The following PLCD4 variants were observed in gnomAD, a reference collection of about 807,000 sequenced individuals.
The protein encoded by PLCD4 is phospholipase C delta 4.
A neutral mutation model predicts 90.2 loss-of-function variants in PLCD4; 63 were observed. The observed-to-expected ratio is 0.70, with a 90% CI of 0.57 to 0.86. The LOEUF (loss-of-function observed/expected upper bound fraction) is 0.86, where lower values mean the gene tolerates loss of function less well. Among genes scored for constraint, PLCD4 ranks in the 40% least tolerant of loss-of-function variants. The probability of loss-of-function intolerance (pLI) is 0.00; values close to 1 mark genes in which losing one functional copy is unlikely to be tolerated. For synonymous variants in PLCD4, 294 were observed against 356.5 expected (o/e 0.82, Z 1.97); for missense variants, 830 against 956.3 (o/e 0.87, Z 1.74).
chr2:218,626,889 C>T (rs1470478286), intron 6 of PLCD4, among the ~76,000 whole-genome samples: 1 of 152,162 alleles, frequency 6.6e-6, no homozygotes, highest in Non-Finnish European at 1.5e-5. Flanking sequence ...CCTCAGTTTC[C>T]TCATCTATAA....
At chr2:218,630,864 T>C in intron 9 of PLCD4, 62 bp downstream of exon 9, 1 of 1,504,176 alleles carries the variant, frequency 6.6e-7, no homozygotes, top group Non-Finnish European at 8.9e-7. Context: ...CCACCTGGGC[T>C]CCTTCCTCTA....
At position 218,636,334 on chromosome 2, in the gene PLCD4, G is replaced by A. The variant is rs1559279906; in HGVS notation, c.2124G>A (p.Trp708Ter). The change falls in exon 15 of 16, where the codon TGG (tryptophan) becomes TGA (stop). Residue 708 changes from tryptophan (W) to a stop codon, truncating the protein, a stop_gained. Transcript: ENST00000450993. LOFTEE classifies it high-confidence loss of function. ...GTTTTGTGGTAATGGATTATGACTG[G>A]AAATCCCGAAATGACTTTATTGGTC... ...MLRFVVMDYD[W>*]KSRNDFIGQY... 1 of 1,614,012 alleles carries A rather than the reference G, an allele frequency of 6.2e-7. No individual in the cohort carries two copies. The highest frequency in any genetic ancestry group is 1.1e-5 in the South Asian group (1 of 91,086).
intron 4 of PLCD4, among the ~76,000 whole-genome samples, chr2:218,620,760 G>A (rs73077174): frequency 4.0e-5 from 6 of 151,514 alleles, no homozygotes; most frequent in African/African-American, 1.5e-4. Flanking sequence ...CAGGTGTGGT[G>A]GTGGGCGCCT....
At position 218,616,927 on chromosome 2, in the gene PLCD4, T is replaced by TAG. The variant is rs71266346; in HGVS notation, c.181+923_181+924dup. 4.4e-3 allele frequency among the ~76,000 whole-genome samples: 61 copies of TAG among 13,760 alleles called. 1 individual carries two copies. Among genetic ancestry groups the TAG allele is most frequent in the East Asian group, 6.6e-3 (2 of 304 alleles). 9.0% of individuals were successfully genotyped at this position (13,760 alleles called of 152,430 possible). Reference sequence around the variant, plus strand: ...ATATATATATATATATATATATATATAGAGAGAGAGAGAGAGAGAGAGAGA... The same window carrying TAG: ...ATATATATATATATATATATATATATAGAGAGAGAGAGAGAGAGAGAGAGAGA... On this transcript the variant is annotated intron_variant, in intron 3 of 15. Transcript: ENST00000450993.
At chr2:218,627,733 C>A (rs370108194) in intron 6 of PLCD4, among the ~76,000 whole-genome samples, 1 of 151,908 alleles carries the variant, frequency 6.6e-6, no homozygotes, top group Non-Finnish European at 1.5e-5. Context: ...AGGGTGGTCT[C>A]GATCTCCTGA....
intron 3 of PLCD4, 75 bp from the exon 4 acceptor site, chr2:218,618,504 T>C: frequency 7.7e-7 from 1 of 1,299,676 alleles, no homozygotes; most frequent in Admixed American, 1.9e-5. Flanking sequence ...AAGGGGGTGC[T>C]GGTCCTTCAC....
chr2:218,629,309 G>C (rs1575032756), intron 7 of PLCD4: 1 of 531,740 alleles, frequency 1.9e-6, no homozygotes, highest in East Asian at 2.8e-5. Context: ...GAAGGACTGT[G>C]AGTCGGGTGG....
intron 13 of PLCD4, 53 bp from the exon 14 acceptor site, chr2:218,635,743 G>T (rs963704058): frequency 7.0e-6 from 11 of 1,578,036 alleles, no homozygotes; most frequent in South Asian, 1.2e-5. Flanking sequence ...GAGTAGGGTC[G>T]GGTGGGGCTG....
chr2:218,623,092 C>T (rs1695956217), intron 6 of PLCD4, among the ~76,000 whole-genome samples: 1 of 152,196 alleles, frequency 6.6e-6, no homozygotes, highest in South Asian at 2.1e-4. Context: ...GGTGCTAGAC[C>T]TCTCAGGAGG....
At chr2:218,617,715 ACC>A (rs1695682094) in intron 3 of PLCD4, among the ~76,000 whole-genome samples, 1 of 152,148 alleles carries the variant, frequency 6.6e-6, no homozygotes, top group African/African-American at 2.4e-5. Flanking sequence ...CACAATCCAT[ACC>A]GCCCCCAGCT....
At chr2:218,622,609 A>T (rs767693655) in intron 5 of PLCD4, 38 bp from the exon 6 acceptor site, 1 of 1,446,926 alleles carries the variant, frequency 6.9e-7, no homozygotes, top group East Asian at 2.4e-5. Flanking sequence ...ATTTCCCATT[A>T]AAAGTTTCAT....
rs1054059652 is a variant in PLCD4, at chr2:218,612,546, C to T, written c.-33-3161C>T. On this transcript the variant is annotated intron_variant, in intron 1 of 15. Transcript: ENST00000450993. ...CAGCACTTGGAGAGGCCAAGGTGGG[C>T]GGATCACCTGAGATCAGGAGTTGGA... Among the ~76,000 whole-genome samples the T allele has an allele frequency of 3.9e-5, 6 of 152,120 alleles. No individual in the cohort carries two copies. In the East Asian group the frequency reaches 9.6e-4, roughly 24 times the overall value.
rs778042236 is a variant in PLCD4, at chr2:218,628,192, C to G, written c.936C>G (p.Asp312Glu). 1.9e-6 allele frequency: 3 copies of G among 1,614,026 alleles called. No homozygotes were observed. Among genetic ancestry groups the G allele is most frequent in the South Asian group, 1.1e-5 (1 of 91,080 alleles). ...CTCATAACACCTACCTAGTGGGGGA[C>G]CAGCTTTGTGGCCAGAGCAGCGTCG... is the stretch of plus-strand genomic sequence containing the variant. ...CSSHNTYLVG[D>E]QLCGQSSVEG... Residue 312 changes from aspartate to glutamate, a missense_variant, in exon 7 of 16, where the codon GAC becomes GAG. Physicochemically the swap from Asp to Glu is conservative, Grantham distance 45. Coordinates refer to ENST00000450993, the MANE Select transcript of PLCD4 (RefSeq NM_032726.4).
chr2:218,633,952 G>C, intron 11 of PLCD4, 153 bp from the exon 12 acceptor site: 1 of 1,229,712 alleles, frequency 8.1e-7, no homozygotes, highest in South Asian at 1.5e-5. Context: ...CAGGAAAGCT[G>C]GTCTGGATGG....
Position 218,634,077 on chromosome 2 carries a change from C to T in PLCD4, c.1607-28C>T. 1 of 1,581,358 alleles carries T rather than the reference C, an allele frequency of 6.3e-7. No individual in the cohort carries two copies. The stretch of plus-strand genomic sequence containing the variant: ...GGAAGTGGGAGATTCCACCCCACTT[C>T]CATCTCCCTCTCTATACCCTTTTAC... On this transcript the variant is annotated intron_variant, in intron 11 of 15. Transcript: ENST00000450993. This position sits in a 1 kb window ranked among gnomAD's most constrained non-coding sequence, Gnocchi z 4.0.
chr2:218,621,396 C>T, intron 4 of PLCD4, 74 bp from the exon 5 acceptor site: 3 of 1,544,880 alleles, frequency 1.9e-6, no homozygotes, highest in Non-Finnish European at 2.7e-6. Flanking sequence ...GGAGAGATGT[C>T]AGTGGACGAA....
rs983493144 is a variant in PLCD4, at chr2:218,636,072, T to A, written c.2032+141T>A. Reference sequence around the variant, plus strand: ...GTGGAACAGTACAAAGAATCCTGGCTCTTCACTTAAAAGCTCCAGTGACCT... The same window carrying A: ...GTGGAACAGTACAAAGAATCCTGGCACTTCACTTAAAAGCTCCAGTGACCT... On this transcript the variant is annotated intron_variant, in intron 14 of 15. Coordinates refer to ENST00000450993, the MANE Select transcript of PLCD4 (RefSeq NM_032726.4). The A allele has an allele frequency of 2.1e-6, 3 of 1,446,122 alleles. No homozygotes were observed. The African/African-American group carries it at 4.2e-5, about 20-fold the overall frequency. The allele number at this position is 1,446,122 out of a possible 1,614,324, so 89.6% of individuals were successfully genotyped here.
In PLCD4 at chr2:218,634,722, C is replaced by T. The variant is rs541718426; in HGVS notation, c.1896+92C>T. 92 of 1,404,784 alleles carry T rather than the reference C, an allele frequency of 6.5e-5. No homozygotes were observed. The Admixed American group carries it at 8.4e-4, about 13-fold the overall frequency. The allele number at this position is 1,404,784 out of a possible 1,614,324, so 87.0% of individuals were successfully genotyped here. Reference sequence around the variant, plus strand: ...CTAGGCCTGACCGGAATGTAGAGGCCGGATAGCCTATTAACAGTGTCTAGT... The same window carrying T: ...CTAGGCCTGACCGGAATGTAGAGGCTGGATAGCCTATTAACAGTGTCTAGT... On this transcript the variant is annotated intron_variant, in intron 13 of 15. Coordinates refer to ENST00000450993, the MANE Select transcript of PLCD4 (RefSeq NM_032726.4). The surrounding 1 kb of genome is among the most constrained non-coding windows in gnomAD (Gnocchi z 4.0).
chr2:218,633,619 C>G lies in PLCD4; in HGVS notation c.1464C>G (p.Ile488Met), dbSNP rs774426597. The change falls in exon 11 of 16, where the codon ATC becomes ATG. Residue 488 changes from isoleucine to methionine, a missense_variant. Transcript: ENST00000450993. ...ACCTTCTCCAGAAATCCAAGCCCAT[C>G]TTGTGTCCAGCCCTCTCTTCCCTGG... ...NKDKKKKSKP[I>M]LCPALSSLVI... 2 of 1,613,644 alleles carry G rather than the reference C, an allele frequency of 1.2e-6. No individual in the cohort carries two copies. Among genetic ancestry groups the G allele is most frequent in the Admixed American group, 1.7e-5 (1 of 60,022 alleles).
Sources: allele counts gnomAD v4.1 joint callset (sites outside exome capture counted in the v4.1 genomes callset), GRCh38; gene constraint gnomAD v4.1.1; non-coding constraint Gnocchi (gnomAD v3.1); transcripts MANE v1.5; gene names NCBI Gene and HGNC (gene_info 2026-07-23, HGNC 2026-07-21).